Variants in ADAM19 observed in about 807,000 individuals in gnomAD.
ADAM19 encodes the protein disintegrin and metalloproteinase domain-containing protein 19.
A neutral mutation model predicts 114.7 loss-of-function variants in ADAM19; 65 were observed. The ratio of observed to expected loss-of-function variants is 0.57; its 90% CI spans 0.46 to 0.70. The LOEUF (loss-of-function observed/expected upper bound fraction) is 0.70. Among genes scored for constraint, ADAM19 ranks in the 30% least tolerant of loss-of-function variants. The pLI, the probability that ADAM19 is intolerant of heterozygous loss-of-function variation, is 0.00. For missense variants in ADAM19, 1,063 were observed against 1,204.7 expected, an observed-to-expected ratio of 0.88 and a Z score of 1.74; for synonymous variants, 466 against 460.5, an observed-to-expected ratio of 1.01 and a Z score of -0.15.
intron 4 of ADAM19, among the ~76,000 whole-genome samples, chr5:157,533,455 G>C (rs182104433): frequency 5.3e-5 from 8 of 152,266 alleles, no homozygotes; most frequent in Admixed American, 3.9e-4. Flanking sequence ...CCTACCCGTG[G>C]GATCTGGGAT....
intron 21 of ADAM19, among the ~76,000 whole-genome samples, chr5:157,484,294 C>T (rs954659460): frequency 6.6e-6 from 1 of 152,218 alleles, no homozygotes; most frequent in African/African-American, 2.4e-5. Context: ...CCATTCCCCT[C>T]TAGAGTGGAA....
intron 3 of ADAM19, among the ~76,000 whole-genome samples, chr5:157,539,074 A>AC (rs1756843914): frequency 1.3e-5 from 2 of 150,660 alleles, no homozygotes; most frequent in South Asian, 4.2e-4. Context: ...AACTGCTTGA[A>AC]CCTGGGGGGT....
chr5:157,562,950 C>A (rs1757550382), intron 3 of ADAM19, among the ~76,000 whole-genome samples: 1 of 151,938 alleles, frequency 6.6e-6, no homozygotes, highest in South Asian at 2.1e-4. Context: ...CTACTGGGGG[C>A]AGAACAGGAG....
intron 3 of ADAM19, among the ~76,000 whole-genome samples, chr5:157,548,212 C>T (rs1187301711): frequency 6.6e-6 from 1 of 152,156 alleles, no homozygotes. Flanking sequence ...GGAAGTTCCC[C>T]TTCCCCATGT....
rs991950120 is a variant in ADAM19 at position 157,537,946 on chromosome 5, A to C, written c.297T>G (p.Ser99Arg). Reference sequence around the variant, plus strand: ...TCCGTGTGGTGGTTTGAGGGTTACCACTTGAAGTATAATGGGTTTCTGTGT... The same window carrying C: ...TCCGTGTGGTGGTTTGAGGGTTACCCCTTGAAGTATAATGGGTTTCTGTGT... ...PSYTETHYTS[S>R]GNPQTTTRKL... The change falls in exon 4 of 23, where the codon AGT (serine) becomes AGG (arginine). Residue 99 changes from serine (S) to arginine (R), a missense_variant. Physicochemically the swap from Ser to Arg is moderately radical, Grantham distance 110. Coordinates refer to ENST00000257527, the MANE Select transcript of ADAM19 (RefSeq NM_033274.5). The C allele has an allele frequency of 1.9e-6, 3 of 1,614,056 alleles. No homozygotes were observed. Among genetic ancestry groups the C allele is most frequent in the Admixed American group, 1.7e-5 (1 of 60,004 alleles).
At position 157,570,986 on chromosome 5, in the gene ADAM19, A is replaced by G. The variant is rs1482064673; in HGVS notation, c.95-6T>C. The G allele has an allele frequency of 1.2e-6, 2 of 1,613,714 alleles. No individual in the cohort carries two copies. Among genetic ancestry groups the G allele is most frequent in the Non-Finnish European group, 1.7e-6 (2 of 1,179,778 alleles). On this transcript the variant is annotated splice_region_variant and splice_polypyrimidine_tract_variant and intron_variant, in intron 1 of 22. Coordinates refer to ENST00000257527, the MANE Select transcript of ADAM19 (RefSeq NM_033274.5). ...GCTGCCTTCCTCACTTCCTCCTGCCAATACAAGATGCAAAACCATTGGAAT... is the reference window on the plus strand; with the variant it reads ...GCTGCCTTCCTCACTTCCTCCTGCCGATACAAGATGCAAAACCATTGGAAT...
intron 14 of ADAM19, among the ~76,000 whole-genome samples, chr5:157,495,790 C>A (rs907250614): frequency 6.6e-6 from 1 of 152,084 alleles, no homozygotes; most frequent in Non-Finnish European, 1.5e-5. Flanking sequence ...TCCACCACCA[C>A]GCCTGGCTAA....
At chr5:157,530,776 C>T (rs3734032) in intron 5 of ADAM19, 31 bp downstream of exon 5, 5 of 1,593,426 alleles carry the variant, frequency 3.1e-6, no homozygotes, top group Admixed American at 3.3e-5. Context: ...GGAGAGTGCC[C>T]GGTGCCACCT....
intron 8 of ADAM19, among the ~76,000 whole-genome samples, chr5:157,511,623 T>C (rs901512694): frequency 2.6e-5 from 4 of 152,240 alleles, no homozygotes; most frequent in African/African-American, 9.6e-5. Context: ...TTTGCTTTAC[T>C]AGGGAGCTTT....
rs1188283974 is a variant in ADAM19, at chr5:157,530,901, G to A, written c.331-18C>T. ...CAGTGATCCTAGCAAGGAGAAAGGA[G>A]GTGGTCAGGCTAAAGAACACTGATA... On this transcript the variant is annotated intron_variant, in intron 4 of 22. Coordinates refer to ENST00000257527, the MANE Select transcript of ADAM19 (RefSeq NM_033274.5). 4 of 1,608,566 alleles carry A rather than the reference G, an allele frequency of 2.5e-6. No homozygotes were observed. In the Admixed American group the frequency reaches 6.7e-5, roughly 27 times the overall value.
Position 157,519,872 on chromosome 5 carries a change from C to T in ADAM19, c.567G>A (p.Gln189=), listed in dbSNP as rs1313191983. The part of the protein sequence containing the change: ...SKPTTRDWAL[Q]FTQQTKKRPR... Reference sequence around the variant, plus strand: ...GTCGCTTCTTGGTCTGTTGTGTAAACTGAAGAGCCCAGTCCCTGGTGGTGG... The same window carrying T: ...GTCGCTTCTTGGTCTGTTGTGTAAATTGAAGAGCCCAGTCCCTGGTGGTGG... Residue 189 remains glutamine (Q), a synonymous_variant, in exon 6 of 23, where the codon CAG becomes CAA. Transcript: ENST00000257527. 1 of 1,613,790 alleles carries T rather than the reference C, an allele frequency of 6.2e-7. No homozygotes were observed. The highest frequency in any genetic ancestry group is 1.3e-5 in the African/African-American group (1 of 74,894).
intron 4 of ADAM19, among the ~76,000 whole-genome samples, chr5:157,533,358 T>C (rs1330913196): frequency 6.6e-6 from 1 of 152,190 alleles, no homozygotes; most frequent in Non-Finnish European, 1.5e-5. Context: ...GTGCTGTGAT[T>C]ATGAAAGAAG....
At chr5:157,570,569 G>A (rs1757793402) in intron 2 of ADAM19, 1 of 235,348 alleles carries the variant, frequency 4.2e-6, no homozygotes, top group Non-Finnish European at 8.5e-6. Flanking sequence ...TATGTATTAT[G>A]CAGAGCAAAA....
intron 6 of ADAM19, 70 bp from the exon 7 acceptor site, chr5:157,518,958 A>T: frequency 7.8e-7 from 1 of 1,285,096 alleles, no homozygotes; most frequent in South Asian, 1.2e-5. Context: ...AACTGCTAAG[A>T]AACAGAGCTG....
chr5:157,537,875 G>A, intron 4 of ADAM19, 38 bp downstream of exon 4: 4 of 1,573,068 alleles, frequency 2.5e-6, no homozygotes, highest in Non-Finnish European at 3.5e-6. Context: ...GCTGGGAGAG[G>A]ACAGCTGCTG....
At chr5:157,495,189 A>C (rs1284636046) in intron 14 of ADAM19, among the ~76,000 whole-genome samples, 1 of 152,002 alleles carries the variant, frequency 6.6e-6, no homozygotes, top group Admixed American at 6.6e-5. Flanking sequence ...TTTTTGTAGA[A>C]ATGGGGTTTC....
chr5:157,548,004 C>G (rs993852935), intron 3 of ADAM19, among the ~76,000 whole-genome samples: 1 of 152,196 alleles, frequency 6.6e-6, no homozygotes, highest in Non-Finnish European at 1.5e-5. Flanking sequence ...CATTTCCTTC[C>G]TCCTGCTCTC....
chr5:157,491,795 A>G lies in ADAM19; in HGVS notation c.1986+40T>C, dbSNP rs1162338148. The G allele has an allele frequency of 3.7e-6, 6 of 1,612,678 alleles. No homozygotes were observed. The African/African-American group carries it at 8.0e-5, about 22-fold the overall frequency. ...GCCACCCACAGGGCCTGCCCTCATG[A>G]CGTCCCCATGACACAGAGAAGCCAG... On this transcript the variant is annotated intron_variant, in intron 17 of 22. Coordinates refer to ENST00000257527, the MANE Select transcript of ADAM19 (RefSeq NM_033274.5).
chr5:157,562,108 C>A (rs766265966), intron 3 of ADAM19, among the ~76,000 whole-genome samples: 3 of 152,096 alleles, frequency 2.0e-5, no homozygotes, highest in Non-Finnish European at 4.4e-5. Flanking sequence ...CGGACTCGCA[C>A]GCACCATGAA....
Sources: gnomAD v4.1 joint callset for allele counts (sites outside exome capture counted in the v4.1 genomes callset) on GRCh38, gnomAD v4.1.1 for gene constraint, MANE v1.5 for transcripts, NCBI Gene and HGNC (gene_info 2026-07-23, HGNC 2026-07-21) for gene names.